CCBE1: variants seen among roughly 807,000 people sequenced by gnomAD.
CCBE1 encodes collagen and calcium binding EGF domains 1.
CCBE1 carries 37 observed loss-of-function variants against 50.0 expected under a neutral mutation model. That is an observed-to-expected ratio of 0.74 (90% CI 0.57 to 0.97). CCBE1 has a LOEUF of 0.97. CCBE1 is among the 50% of genes least tolerant of loss of function. CCBE1 has a pLI of 0.00. For synonymous variants in CCBE1, 234 were observed against 203.7 expected (o/e 1.15, Z -1.27); for missense variants, 538 against 523.8 (o/e 1.03, Z -0.26).
At chr18:59,688,987 T>G (rs949064347) in intron 2 of CCBE1, among the ~76,000 whole-genome samples, 1 of 152,188 alleles carries the variant, frequency 6.6e-6, no homozygotes, top group Admixed American at 6.5e-5. Flanking sequence ...AGTTTTCTTT[T>G]GTAAGGGGCT....
chr18:59,673,307 T>C (rs1401802073), intron 2 of CCBE1, among the ~76,000 whole-genome samples: 1 of 152,038 alleles, frequency 6.6e-6, no homozygotes, highest in Non-Finnish European at 1.5e-5. Flanking sequence ...AAAAATTAGC[T>C]GGGTGTGGTG....
Position 59,697,396 on chromosome 18 carries a change from C to T in CCBE1, c.-54G>A, listed in dbSNP as rs1825342461. The T allele has an allele frequency of 6.6e-7, 1 of 1,521,786 alleles. No homozygotes were observed. The highest frequency in any genetic ancestry group is 8.8e-7 in the Non-Finnish European group (1 of 1,135,874). 94.3% of individuals were successfully genotyped at this position (1,521,786 alleles called of 1,614,324 possible). The stretch of plus-strand genomic sequence containing the variant: ...CCGAGCTCCGTCCGGACCAAGCGTC[C>T]TGCTCCTCCGCGGCCGCCGCCGCCT... On this transcript the variant is annotated 5_prime_UTR_variant, in exon 1 of 11. Transcript: ENST00000439986.
chr18:59,680,637 G>A (rs1218743406), intron 2 of CCBE1, among the ~76,000 whole-genome samples: 1 of 151,850 alleles, frequency 6.6e-6, no homozygotes, highest in African/African-American at 2.4e-5. Context: ...GGCGGAGGTT[G>A]CAGTGAGCCG....
intron 2 of CCBE1, among the ~76,000 whole-genome samples, chr18:59,551,566 C>T (rs777204029): frequency 1.1e-4 from 16 of 152,206 alleles, no homozygotes; most frequent in African/African-American, 3.4e-4. Flanking sequence ...CTTACAGGAC[C>T]CCCTGTCCTA....
At chr18:59,637,012 A>G (rs2053924551) in intron 2 of CCBE1, among the ~76,000 whole-genome samples, 2 of 152,212 alleles carry the variant, frequency 1.3e-5, no homozygotes, top group African/African-American at 2.4e-5. Flanking sequence ...GTAAAATTCT[A>G]CAAGTTTTTG....
At chr18:59,645,193 C>T (rs1233739154) in intron 2 of CCBE1, among the ~76,000 whole-genome samples, 2 of 152,294 alleles carry the variant, frequency 1.3e-5, no homozygotes, top group Non-Finnish European at 2.9e-5. Flanking sequence ...CGCACCACTG[C>T]ACTCCAGCCT....
chr18:59,554,983 G>C (rs1434416572), intron 2 of CCBE1, among the ~76,000 whole-genome samples: 1 of 152,176 alleles, frequency 6.6e-6, no homozygotes, highest in Non-Finnish European at 1.5e-5. Context: ...CCAAGAACTG[G>C]TTTTGCCACT....
intron 2 of CCBE1, among the ~76,000 whole-genome samples, chr18:59,658,879 C>CAAAAAAAAA (rs61226521): frequency 1.8e-5 from 1 of 54,750 alleles, no homozygotes; most frequent in African/African-American, 6.5e-5. Context: ...GACTCTGTCT[C>CAAAAAAAAA]AAAAAAAAAA....
intron 2 of CCBE1, among the ~76,000 whole-genome samples, chr18:59,624,101 C>T (rs1268422117): frequency 6.6e-6 from 1 of 152,158 alleles, no homozygotes; most frequent in African/African-American, 2.4e-5. Flanking sequence ...ACCAGAAATG[C>T]AATTTAAGAA....
intron 2 of CCBE1, among the ~76,000 whole-genome samples, chr18:59,616,273 G>A (rs1156786229): frequency 1.3e-5 from 2 of 152,096 alleles, no homozygotes; most frequent in South Asian, 2.1e-4. Flanking sequence ...ACAAAAAGTT[G>A]GCAAAATGGA....
At chr18:59,586,249 A>G (rs1245805460) in intron 2 of CCBE1, among the ~76,000 whole-genome samples, 1 of 152,220 alleles carries the variant, frequency 6.6e-6, no homozygotes, top group Non-Finnish European at 1.5e-5. Flanking sequence ...AGAAGAGGGA[A>G]TGAGCCACTG....
chr18:59,458,369 GCCCTGTTGGCA>G (rs1335117224), intron 5 of CCBE1, among the ~76,000 whole-genome samples: 2 of 151,468 alleles, frequency 1.3e-5, no homozygotes, highest in East Asian at 3.9e-4. Context: ...TAAGAATCTA[GCCCTGTTGGCA>G]GAGCGGGGCC....
intron 2 of CCBE1, among the ~76,000 whole-genome samples, chr18:59,505,970 G>C (rs944397627): frequency 1.3e-5 from 2 of 152,256 alleles, no homozygotes; most frequent in Non-Finnish European, 2.9e-5. Flanking sequence ...GGCGGCAGGT[G>C]CAGGAACTCA....
chr18:59,551,258 G>C (rs111737189), intron 2 of CCBE1, among the ~76,000 whole-genome samples: 1 of 151,992 alleles, frequency 6.6e-6, no homozygotes, highest in Non-Finnish European at 1.5e-5. Flanking sequence ...GTATGCAATT[G>C]TAACACAATG....
At chr18:59,632,854 C>T (rs142619149) in intron 2 of CCBE1, among the ~76,000 whole-genome samples, 52 of 152,112 alleles carry the variant, frequency 3.4e-4, no homozygotes, top group African/African-American at 1.2e-3. Context: ...GGTGATCCAC[C>T]CTCCTCTGCC....
rs905986952 is a variant in CCBE1 at position 59,431,151 on chromosome 18, C to T, written c.*4757G>A. On this transcript the variant is annotated 3_prime_UTR_variant, in exon 11 of 11. Transcript: ENST00000439986. ...TTCCTAAGGGGACTTGCTTTGATCC[C>T]CTGGGGAGTAAGAGGGTCCTTTTCT... The T allele has an allele frequency of 3.9e-5, 6 of 152,150 alleles. No individual in the cohort carries two copies. Among genetic ancestry groups the T allele is most frequent in the African/African-American group, 1.4e-4 (6 of 41,428 alleles). 9.4% of individuals were successfully genotyped at this position (152,150 alleles called of 1,614,324 possible).
At chr18:59,486,173 T>C (rs1412033635) in intron 2 of CCBE1, among the ~76,000 whole-genome samples, 2 of 152,286 alleles carry the variant, frequency 1.3e-5, no homozygotes, top group East Asian at 1.9e-4. Context: ...TATGAGATAA[T>C]TGACAGTATT....
At chr18:59,693,283 A>G (rs1288660419) in intron 2 of CCBE1, among the ~76,000 whole-genome samples, 1 of 152,088 alleles carries the variant, frequency 6.6e-6, no homozygotes, top group Non-Finnish European at 1.5e-5. Flanking sequence ...CTTTCATGTA[A>G]ATTATGTAAT....
chr18:59,490,421 A>G (rs1475784791), intron 2 of CCBE1, among the ~76,000 whole-genome samples: 1 of 134,728 alleles, frequency 7.4e-6, no homozygotes, highest in Non-Finnish European at 1.6e-5. Flanking sequence ...TGAATTTTCT[A>G]TAATGAGCAT....
Sources: gnomAD v4.1 joint callset for allele counts (sites outside exome capture counted in the v4.1 genomes callset) on GRCh38, gnomAD v4.1.1 for gene constraint, MANE v1.5 for transcripts, NCBI Gene and HGNC (gene_info 2026-07-23, HGNC 2026-07-21) for gene names.